TRERF1: variants seen among roughly 807,000 people sequenced by gnomAD.
The protein encoded by TRERF1 is transcriptional-regulating factor 1.
Under a neutral mutation model 122.9 loss-of-function variants are expected in TRERF1, and 27 were observed. The observed-to-expected ratio is 0.22, with a 90% CI of 0.16 to 0.30. The LOEUF is 0.30. TRERF1 is among the 10% of genes least tolerant of loss of function. The pLI is 1.00. For missense variants in TRERF1, 1,248 were observed against 1,560.3 expected (o/e 0.80, Z 3.37); for synonymous variants, 636 against 641.7 (o/e 0.99, Z 0.13).
rs186249964 is a variant in TRERF1, at chr6:42,393,020, G to A, written c.-453-29941C>T. On this transcript the variant is annotated intron_variant, in intron 2 of 17. Coordinates refer to ENST00000372922, the Ensembl canonical transcript of TRERF1. This position sits in a 1 kb window ranked among gnomAD's most constrained non-coding sequence, Gnocchi z 4.1. ...ATGGCGTTTCAAGCTGCCGACGCGA[G>A]GGCCACTGGACATGGAGTTGGGAAG... is the stretch of plus-strand genomic sequence containing the variant. 2.0e-5 allele frequency among the ~76,000 whole-genome samples: 3 copies of A among 152,160 alleles called. No individual in the cohort carries two copies. Among genetic ancestry groups the A allele is most frequent in the Non-Finnish European group, 4.4e-5 (3 of 68,016 alleles).
intron 3 of TRERF1, among the ~76,000 whole-genome samples, 185 bp from the exon 4 acceptor site, chr6:42,300,934 G>T (rs1786051311): frequency 6.6e-6 from 1 of 152,198 alleles, no homozygotes; most frequent in Admixed American, 6.5e-5. Flanking sequence ...CCTGCAATGT[G>T]CCAGGCAGGG....
intron 2 of TRERF1, among the ~76,000 whole-genome samples, chr6:42,412,279 G>A (rs1781227386): frequency 6.6e-6 from 1 of 152,126 alleles, no homozygotes; most frequent in South Asian, 2.1e-4. Flanking sequence ...GGGATTACAG[G>A]CGTGAGCCAC....
chr6:42,359,671 C>A (rs1448271375), intron 3 of TRERF1, among the ~76,000 whole-genome samples: 1 of 152,166 alleles, frequency 6.6e-6, no homozygotes, highest in Middle Eastern at 3.2e-3. Context: ...TTGCAGTGAG[C>A]CGAGATCGCA....
intron 8 of TRERF1, among the ~76,000 whole-genome samples, chr6:42,262,048 A>G (rs1013661347): frequency 1.3e-4 from 19 of 151,960 alleles, no homozygotes; most frequent in African/African-American, 4.4e-4. Flanking sequence ...AGAGTTCCCC[A>G]AGGGAACTAT....
chr6:42,319,812 C>CA lies in TRERF1; in HGVS notation c.-370-19064dup, dbSNP rs35939756. On this transcript the variant is annotated intron_variant, in intron 3 of 17. Coordinates refer to ENST00000372922, the Ensembl canonical transcript of TRERF1. ...TGGGTGACAGAGTGAGACTGTGTTT[C>CA]AAAAAAAAAAAAAAAAAATGGTGCA... Among the ~76,000 whole-genome samples, 575 of 114,202 alleles carry CA rather than the reference C, an allele frequency of 5.0e-3. 5 individuals are homozygous for CA. Among genetic ancestry groups the CA allele is most frequent in the African/African-American group, 0.014 (451 of 31,238 alleles). 74.9% of individuals were successfully genotyped at this position (114,202 alleles called of 152,430 possible).
intron 15 of TRERF1, among the ~76,000 whole-genome samples, chr6:42,240,642 C>T (rs1333937528): frequency 1.3e-5 from 2 of 152,254 alleles, no homozygotes; most frequent in Non-Finnish European, 1.5e-5. Context: ...GAGTCCTTAA[C>T]GCTGCATCTA....
chr6:42,426,017 G>A lies in TRERF1; in HGVS notation c.-454+25160C>T, dbSNP rs1384168065. On this transcript the variant is annotated intron_variant, in intron 2 of 17. Transcript: ENST00000372922. ...CCAGTCTGTCCCTTACATTTGCACTGACATACATACTTGACACTTCCCTGG... is the reference window on the plus strand; with the variant it reads ...CCAGTCTGTCCCTTACATTTGCACTAACATACATACTTGACACTTCCCTGG... Among the ~76,000 whole-genome samples the A allele has an allele frequency of 2.0e-5, 3 of 152,186 alleles. No homozygotes were observed. In the East Asian group the frequency reaches 5.8e-4, roughly 29 times the overall value.
intron 3 of TRERF1, among the ~76,000 whole-genome samples, chr6:42,362,415 T>A (rs1052599713): frequency 6.6e-6 from 1 of 152,090 alleles, no homozygotes; most frequent in East Asian, 1.9e-4. Flanking sequence ...CGGATCAGGG[T>A]TTACACCTGA....
chr6:42,403,517 A>C (rs1779721393), intron 2 of TRERF1, among the ~76,000 whole-genome samples: 2 of 152,214 alleles, frequency 1.3e-5, no homozygotes, highest in African/African-American at 4.8e-5. Flanking sequence ...GGAGAGAGGC[A>C]CGGAGCAGTT....
chr6:42,449,204 T>A (rs552431574), intron 2 of TRERF1, among the ~76,000 whole-genome samples: 2 of 152,354 alleles, frequency 1.3e-5, no homozygotes, highest in African/African-American at 4.8e-5. Flanking sequence ...AAAAGACCCA[T>A]GTTTACTATG....
intron 2 of TRERF1, among the ~76,000 whole-genome samples, chr6:42,403,805 A>C (rs1190992114): frequency 6.6e-6 from 1 of 152,086 alleles, no homozygotes. Context: ...TATCCTTCAA[A>C]TCTATGGTCT....
In TRERF1 at chr6:42,248,447, G is replaced by A. The variant is rs529868354; in HGVS notation, c.2657-1903C>T. 2.0e-3 allele frequency among the ~76,000 whole-genome samples: 304 copies of A among 152,062 alleles called. 1 individual carries two copies. The highest frequency in any genetic ancestry group is 6.7e-3 in the African/African-American group (279 of 41,448). On this transcript the variant is annotated intron_variant, in intron 13 of 17. Transcript: ENST00000372922. ...GGCTCACTGCAACCTCTGCCTCTTG[G>A]GTTCAAGTGATTGTCTTGCCTCAGC...
chr6:42,277,905 G>GAAGGAA (rs1321566764), intron 4 of TRERF1, among the ~76,000 whole-genome samples: 1 of 85,008 alleles, frequency 1.2e-5, no homozygotes, highest in African/African-American at 5.1e-5. Flanking sequence ...GAAGGAAGAA[G>GAAGGAA]GAAGAAGAAG....
At chr6:42,386,191 A>G (rs113241353) in intron 2 of TRERF1, among the ~76,000 whole-genome samples, 2,743 of 152,300 alleles carry the variant, frequency 0.018, 55 homozygotes, top group African/African-American at 0.046. Flanking sequence ...TACTAAAAAC[A>G]CAGTGTCAGG....
intron 2 of TRERF1, among the ~76,000 whole-genome samples, chr6:42,448,251 C>T (rs899160312): frequency 4.6e-5 from 7 of 152,182 alleles, no homozygotes; most frequent in African/African-American, 1.2e-4. Context: ...GGAATAAGAG[C>T]TTGGTTAACC....
At chr6:42,237,997 G>A (rs898888082) in intron 15 of TRERF1, among the ~76,000 whole-genome samples, 11 of 152,184 alleles carry the variant, frequency 7.2e-5, no homozygotes, top group Admixed American at 7.2e-4. Flanking sequence ...CACTGATGTA[G>A]GCCTAGTACA....
At position 42,330,016 on chromosome 6, in the gene TRERF1, G is replaced by A. The variant is rs1256082937; in HGVS notation, c.-370-29267C>T. Among the ~76,000 whole-genome samples, 4 of 152,088 alleles carry A rather than the reference G, an allele frequency of 2.6e-5. 1 individual carries two copies. Among genetic ancestry groups the A allele is most frequent in the South Asian group, 4.2e-4 (2 of 4,812 alleles). On this transcript the variant is annotated intron_variant, in intron 3 of 17. Transcript: ENST00000372922. ...GGGAAAAAAAAAGTATTGATTCTAT[G>A]TATGAACAAACAAAAAGGGGTAAAT...
chr6:42,247,447 A>G (rs1476003679), intron 13 of TRERF1, among the ~76,000 whole-genome samples: 1 of 152,232 alleles, frequency 6.6e-6, no homozygotes, highest in Non-Finnish European at 1.5e-5. Context: ...TAGGATGATG[A>G]GCCCATTTGA....
chr6:42,415,673 C>A (rs1021027987), intron 2 of TRERF1, among the ~76,000 whole-genome samples: 3 of 152,162 alleles, frequency 2.0e-5, no homozygotes, highest in Non-Finnish European at 4.4e-5. Flanking sequence ...CACATGTATA[C>A]ACACACCCTT....
Sources: allele counts gnomAD v4.1 joint callset (sites outside exome capture counted in the v4.1 genomes callset), GRCh38; gene constraint gnomAD v4.1.1; non-coding constraint Gnocchi (gnomAD v3.1); transcripts MANE v1.5; gene names NCBI Gene and HGNC (gene_info 2026-07-23, HGNC 2026-07-21).